Variants in AHDC1 observed in about 807,000 individuals in gnomAD.
AHDC1 encodes the protein transcription factor Gibbin.
In AHDC1, 7 loss-of-function variants were observed where a neutral mutation model predicts 87.9. That is an observed-to-expected ratio of 0.08 (90% confidence interval 0.05 to 0.15). The LOEUF (loss-of-function observed/expected upper bound fraction) is 0.15. Ranked by LOEUF, AHDC1 falls within the 10% of genes least tolerant of loss-of-function variation. The pLI is 1.00. For missense variants in AHDC1, 1,841 were observed against 2,253.2 expected (o/e 0.82, Z 3.70); for synonymous variants, 1,051 against 1,006.8 (o/e 1.04, Z -0.83).
Position 27,534,432 on chromosome 1 carries a change from C to G in AHDC1, c.*528G>C, listed in dbSNP as rs1234255743. On this transcript the variant is annotated 3_prime_UTR_variant, in exon 9 of 9. Coordinates refer to ENST00000673934, the MANE Select transcript of AHDC1 (RefSeq NM_001371928.1). ...CTCCCGCAAGAGGTTCTTCTCCCTC[C>G]CCCCCACCATGCGAATTTGCACACC... The G allele has an allele frequency of 1.3e-5, 2 of 151,696 alleles. No homozygotes were observed. Among genetic ancestry groups the G allele is most frequent in the Non-Finnish European group, 2.9e-5 (2 of 67,926 alleles). The allele number at this position is 151,696 out of a possible 1,614,324, so 9.4% of individuals were successfully genotyped here.
At chr1:27,553,735 T>G (rs1232103976) in intron 5 of AHDC1, among the ~76,000 whole-genome samples, 2 of 151,802 alleles carry the variant, frequency 1.3e-5, no homozygotes, top group Non-Finnish European at 2.9e-5. Flanking sequence ...TTCCCAACAC[T>G]CAGAACAGCA....
rs151218177 is a variant in AHDC1 at position 27,549,266 on chromosome 1, C to A, written c.2850G>T (p.Pro950=). The A allele has an allele frequency of 4.1e-4, 651 of 1,602,894 alleles. 1 individual carries two copies. Among genetic ancestry groups the A allele is most frequent in the Non-Finnish European group, 5.2e-4 (613 of 1,172,858 alleles). The change falls in exon 8 of 9, where the codon CCG becomes CCT. Residue 950 remains proline, a synonymous_variant. Transcript: ENST00000673934. ...TAGGTGAGCGGGCCATGGCTGAGGG[C>A]GGGGGCACCAGCTTGGGGAAGGTCT... is the stretch of plus-strand genomic sequence containing the variant. The part of the protein sequence containing the change: ...AAETFPKLVP[P]PSAMARSPTT...
In AHDC1 at chr1:27,551,270, G is replaced by A. The variant is rs2019541423; in HGVS notation, c.846C>T (p.Phe282=). 6.2e-7 allele frequency: 1 copy of A among 1,610,434 alleles called. No individual in the cohort carries two copies. The highest frequency in any genetic ancestry group is 8.5e-7 in the Non-Finnish European group (1 of 1,179,494). ...GCGGCTCTAGTGCCTGCGGGTCCAG[G>A]AAGCGGGGCTGGGGGTCCAGGAGCT... ...EPQLLDPQPR[F]LDPQALEPLG... is the part of the protein sequence containing the mutation. Residue 282 remains phenylalanine, a synonymous_variant, in exon 8 of 9, where the codon TTC becomes TTT. Coordinates refer to ENST00000673934, the MANE Select transcript of AHDC1 (RefSeq NM_001371928.1).
At chr1:27,540,411 C>T (rs6660472) in intron 8 of AHDC1, among the ~76,000 whole-genome samples, 1 of 147,970 alleles carries the variant, frequency 6.8e-6, no homozygotes, top group Non-Finnish European at 1.5e-5. Flanking sequence ...AAAAAAAAAA[C>T]AAAAAAACCT....
At chr1:27,589,598 G>C (rs1251577182) in intron 3 of AHDC1, among the ~76,000 whole-genome samples, 1 of 152,136 alleles carries the variant, frequency 6.6e-6, no homozygotes, top group Non-Finnish European at 1.5e-5. Flanking sequence ...GTATCTAAGC[G>C]TGTGCTTGTG....
chr1:27,559,896 G>A (rs2019991684), intron 3 of AHDC1, among the ~76,000 whole-genome samples: 1 of 152,208 alleles, frequency 6.6e-6, no homozygotes, highest in Non-Finnish European at 1.5e-5. Context: ...GTATGCGTGT[G>A]ATCGAGATTC....
chr1:27,543,962 A>C (rs1331308069), intron 8 of AHDC1, among the ~76,000 whole-genome samples: 1 of 151,836 alleles, frequency 6.6e-6, no homozygotes, highest in Non-Finnish European at 1.5e-5. Flanking sequence ...AAAAAAAAAA[A>C]GTGTAGGGAT....
In AHDC1 at chr1:27,552,194, C is replaced by G; in HGVS notation, c.-74-5G>C. 7.0e-7 allele frequency: 1 copy of G among 1,422,608 alleles called. No homozygotes were observed. The allele number at this position is 1,422,608 out of a possible 1,614,324, so 88.1% of individuals were successfully genotyped here. A position where few individuals can be genotyped will look rare whatever the true frequency, so the allele number is the denominator to read the frequency against. On this transcript the variant is annotated splice_polypyrimidine_tract_variant and splice_region_variant and intron_variant, in intron 7 of 8. Transcript: ENST00000673934. ...GCGAGAAGCCGGGACCAGGACCTGC[C>G]AGGCAGGAAGAGCAGGAGGTCCCTT... is the stretch of plus-strand genomic sequence containing the variant.
In AHDC1 at chr1:27,595,030, G is replaced by T. The variant is rs1476734032; in HGVS notation, c.-629+8367C>A. 1.3e-5 allele frequency among the ~76,000 whole-genome samples: 2 copies of T among 152,096 alleles called. No individual in the cohort carries two copies. Among genetic ancestry groups the T allele is most frequent in the South Asian group, 4.1e-4 (2 of 4,828 alleles). ...GGCCGGGCCATTAGGACTGCCTGTCGAGGAGGTGCCGGGATCCAGGAGGCA... is the reference window on the plus strand; with the variant it reads ...GGCCGGGCCATTAGGACTGCCTGTCTAGGAGGTGCCGGGATCCAGGAGGCA... On this transcript the variant is annotated intron_variant, in intron 3 of 8. Transcript: ENST00000673934. This position sits in a 1 kb window ranked among gnomAD's most constrained non-coding sequence, Gnocchi z 4.0.
At chr1:27,541,105 A>G (rs1391948078) in intron 8 of AHDC1, among the ~76,000 whole-genome samples, 1 of 147,536 alleles carries the variant, frequency 6.8e-6, no homozygotes, top group Non-Finnish European at 1.5e-5. Context: ...GCGTGCTTGG[A>G]GCAGGGAGGG....
intron 3 of AHDC1, among the ~76,000 whole-genome samples, chr1:27,577,719 C>G (rs1022952988): frequency 6.6e-6 from 1 of 152,196 alleles, no homozygotes; most frequent in African/African-American, 2.4e-5. Context: ...GCAGCTGGCT[C>G]GGAGGGGTGG....
chr1:27,574,461 T>G (rs189535618), intron 3 of AHDC1, among the ~76,000 whole-genome samples: 1 of 152,298 alleles, frequency 6.6e-6, no homozygotes, highest in East Asian at 1.9e-4. Flanking sequence ...CCATGGCCTA[T>G]CTAGTGTTAT....
rs1453033613 is a variant in AHDC1 at position 27,565,449 on chromosome 1, G to A, written c.-628-6566C>T. Among the ~76,000 whole-genome samples the A allele has an allele frequency of 6.6e-6, 1 of 152,216 alleles. No individual in the cohort carries two copies. Among genetic ancestry groups the A allele is most frequent in the African/African-American group, 2.4e-5 (1 of 41,458 alleles). ...CCAGACTGGGAGGGCGGGCCAGACA[G>A]CAGGGGCTGCCAGTCTTGAAGGGAG... On this transcript the variant is annotated intron_variant, in intron 3 of 8. Transcript: ENST00000673934. This position sits in a 1 kb window ranked among gnomAD's most constrained non-coding sequence, Gnocchi z 4.6.
Position 27,561,397 on chromosome 1 carries a change from C to T in AHDC1, c.-628-2514G>A, listed in dbSNP as rs2020075294. Among the ~76,000 whole-genome samples the T allele has an allele frequency of 6.6e-6, 1 of 152,180 alleles. No homozygotes were observed. The highest frequency in any genetic ancestry group is 2.4e-5 in the African/African-American group (1 of 41,432). ...CCCTTAGCCCCTCCACAACCTGATACTCCCCAGCAGATAAACGTCAGGCCC... is the reference window on the plus strand; with the variant it reads ...CCCTTAGCCCCTCCACAACCTGATATTCCCCAGCAGATAAACGTCAGGCCC... On this transcript the variant is annotated intron_variant, in intron 3 of 8. Coordinates refer to ENST00000673934, the MANE Select transcript of AHDC1 (RefSeq NM_001371928.1). The surrounding 1 kb of genome is among the most constrained non-coding windows in gnomAD (Gnocchi z 4.2).
rs1010471097 is a variant in AHDC1, at chr1:27,598,783, A to C, written c.-629+4614T>G. On this transcript the variant is annotated intron_variant, in intron 3 of 8. Coordinates refer to ENST00000673934, the MANE Select transcript of AHDC1 (RefSeq NM_001371928.1). The surrounding 1 kb of genome is among the most constrained non-coding windows in gnomAD (Gnocchi z 4.2). Reference sequence around the variant, plus strand: ...TAGCACCTCACACACAAATATATACAGTGCATCCCAGTGCTCACCGCCTGC... The same window carrying C: ...TAGCACCTCACACACAAATATATACCGTGCATCCCAGTGCTCACCGCCTGC... Among the ~76,000 whole-genome samples the C allele has an allele frequency of 6.6e-6, 1 of 152,114 alleles. No homozygotes were observed. Among genetic ancestry groups the C allele is most frequent in the Non-Finnish European group, 1.5e-5 (1 of 67,998 alleles).
At chr1:27,596,845 ACT>A (rs1237200864) in intron 3 of AHDC1, among the ~76,000 whole-genome samples, 1 of 151,488 alleles carries the variant, frequency 6.6e-6, no homozygotes, top group African/African-American at 2.4e-5. Context: ...CTGACAAGTC[ACT>A]CTCACACACA....
chr1:27,579,262 C>T (rs1157189151), intron 3 of AHDC1, among the ~76,000 whole-genome samples: 1 of 152,094 alleles, frequency 6.6e-6, no homozygotes, highest in Non-Finnish European at 1.5e-5. Flanking sequence ...TGTTCTAGGT[C>T]TTGTGGGTTC....
intron 8 of AHDC1, among the ~76,000 whole-genome samples, chr1:27,540,367 C>T (rs1410341952): frequency 6.6e-6 from 1 of 151,234 alleles, no homozygotes; most frequent in African/African-American, 2.4e-5. Context: ...AGAATTCTCC[C>T]TATTCTACAT....
chr1:27,565,810 A>T lies in AHDC1; in HGVS notation c.-628-6927T>A, dbSNP rs2020294124. 6.6e-6 allele frequency among the ~76,000 whole-genome samples: 1 copy of T among 152,180 alleles called. No individual in the cohort carries two copies. On this transcript the variant is annotated intron_variant, in intron 3 of 8. Transcript: ENST00000673934. The surrounding 1 kb of genome is among the most constrained non-coding windows in gnomAD (Gnocchi z 4.6). ...TTCTTGGGCCAGTTTAGCTCCTGGA[A>T]CTATCTTCTGTTCCTACCCTGGGCT...
Sources: gnomAD v4.1 joint callset for allele counts (sites outside exome capture counted in the v4.1 genomes callset) on GRCh38, gnomAD v4.1.1 for gene constraint, Gnocchi (gnomAD v3.1) non-coding constraint, MANE v1.5 for transcripts, NCBI Gene and HGNC (gene_info 2026-07-23, HGNC 2026-07-21) for gene names.